Variants in KLHL32 observed in about 807,000 individuals in gnomAD.
KLHL32 encodes kelch-like protein 32.
Under a neutral mutation model 64.8 loss-of-function variants are expected in KLHL32, and 35 were observed. The observed-to-expected ratio is 0.54, with a 90% CI of 0.41 to 0.72. KLHL32 has a LOEUF of 0.72. Among genes scored for constraint, KLHL32 ranks in the 30% least tolerant of loss-of-function variants. KLHL32 has a pLI of 0.00. For missense variants in KLHL32, 589 were observed against 768.5 expected, an observed-to-expected ratio of 0.77 and a Z score of 2.76; for synonymous variants, 259 against 281.0, an observed-to-expected ratio of 0.92 and a Z score of 0.78.
chr6:96,931,851 A>G (rs1273540761), intron 1 of KLHL32, among the ~76,000 whole-genome samples: 2 of 152,016 alleles, frequency 1.3e-5, no homozygotes, highest in African/African-American at 4.8e-5. Flanking sequence ...CATCACATTC[A>G]CAGACCAGCA....
At chr6:96,907,450 G>GA in the KLHL32 span, among the ~76,000 whole-genome samples, 2 of 152,144 alleles carry the variant, frequency 1.3e-5, no homozygotes, top group Non-Finnish European at 2.9e-5. Flanking sequence ...CTGTGAATGA[G>GA]AAAAAGGTAC....
chr6:97,029,772 T>C (rs1783259276), intron 3 of KLHL32, among the ~76,000 whole-genome samples: 1 of 152,226 alleles, frequency 6.6e-6, no homozygotes, highest in Non-Finnish European at 1.5e-5. Context: ...TACTACCCAT[T>C]CTATATGTGA....
At chr6:96,929,546 A>G (rs1250044348) in intron 1 of KLHL32, among the ~76,000 whole-genome samples, 3 of 152,230 alleles carry the variant, frequency 2.0e-5, no homozygotes, top group Non-Finnish European at 4.4e-5. Flanking sequence ...GAGAATTAGT[A>G]AATAGAATTC....
At chr6:97,052,920 T>C (rs181191422) in intron 4 of KLHL32, among the ~76,000 whole-genome samples, 32 of 152,316 alleles carry the variant, frequency 2.1e-4, no homozygotes, top group Non-Finnish European at 3.2e-4. Context: ...CCTCTTAATG[T>C]CTGCTGGGAA....
chr6:97,042,760 A>G, intron 4 of KLHL32, among the ~76,000 whole-genome samples: 1 of 152,172 alleles, frequency 6.6e-6, no homozygotes, highest in East Asian at 1.9e-4. Flanking sequence ...CTGAAACTAT[A>G]TACCCTTTGA....
chr6:96,922,710 G>A (rs1434440435), upstream of KLHL32, among the ~76,000 whole-genome samples: 1 of 152,106 alleles, frequency 6.6e-6, no homozygotes, highest in Admixed American at 6.5e-5. Flanking sequence ...TCTTAATAAG[G>A]AGAAAGACTA....
intron 6 of KLHL32, among the ~76,000 whole-genome samples, chr6:97,108,059 A>G (rs1041592996): frequency 1.3e-5 from 2 of 152,144 alleles, no homozygotes; most frequent in African/African-American, 4.8e-5. Flanking sequence ...TGTACATGGA[A>G]ATGACGGTCT....
At chr6:97,068,733 A>C (rs577431967) in intron 5 of KLHL32, among the ~76,000 whole-genome samples, 48 of 152,312 alleles carry the variant, frequency 3.2e-4, no homozygotes, top group African/African-American at 1.1e-3. Flanking sequence ...GACTCACATA[A>C]ATGTAATTGC....
the KLHL32 span, among the ~76,000 whole-genome samples, chr6:96,911,742 A>G: frequency 7.0e-6 from 1 of 142,088 alleles, no homozygotes; most frequent in African/African-American, 2.6e-5. Context: ...TTTCTTACTT[A>G]TTACTCAGCA....
At chr6:97,055,745 C>CAA (rs1177437252) in intron 4 of KLHL32, among the ~76,000 whole-genome samples, 111 of 142,982 alleles carry the variant, frequency 7.8e-4, no homozygotes, top group Middle Eastern at 3.9e-3. Context: ...TTGCAGTGGG[C>CAA]CGATATCGTG....
intron 3 of KLHL32, among the ~76,000 whole-genome samples, chr6:97,032,634 G>T (rs1249890762): frequency 6.6e-6 from 1 of 152,084 alleles, no homozygotes; most frequent in Non-Finnish European, 1.5e-5. Context: ...ATACGGGATT[G>T]GTGGCAAGCA....
chr6:97,010,455 C>T (rs1385955483), intron 3 of KLHL32, among the ~76,000 whole-genome samples: 1 of 152,176 alleles, frequency 6.6e-6, no homozygotes, highest in Non-Finnish European at 1.5e-5. Context: ...CATTTATCAG[C>T]ATCATTTAAA....
At chr6:96,943,930 C>T (rs1339516215) in intron 1 of KLHL32, among the ~76,000 whole-genome samples, 1 of 152,166 alleles carries the variant, frequency 6.6e-6, no homozygotes, top group Non-Finnish European at 1.5e-5. Context: ...AAGCTGTTCT[C>T]ATGTTCAGAA....
At chr6:97,107,861 C>A (rs551689808) in intron 6 of KLHL32, among the ~76,000 whole-genome samples, 1 of 152,108 alleles carries the variant, frequency 6.6e-6, no homozygotes, top group Admixed American at 6.6e-5. Context: ...GCCTAAAAAC[C>A]GAATTTTCCA....
intron 6 of KLHL32, among the ~76,000 whole-genome samples, chr6:97,106,114 A>G (rs1025253163): frequency 6.6e-6 from 1 of 152,200 alleles, no homozygotes; most frequent in Non-Finnish European, 1.5e-5. Flanking sequence ...TTAGATATCA[A>G]AACAGCAGCT....
chr6:97,056,096 C>CTTTTTTTTTTT (rs1193971196), intron 4 of KLHL32, among the ~76,000 whole-genome samples: 13 of 123,798 alleles, frequency 1.1e-4, no homozygotes, highest in East Asian at 4.7e-4. Flanking sequence ...CTTTTTTTTT[C>CTTTTTTTTTTT]TTTTTTTTTC....
intron 6 of KLHL32, among the ~76,000 whole-genome samples, chr6:97,110,846 T>G (rs1318772180): frequency 6.6e-6 from 1 of 152,202 alleles, no homozygotes; most frequent in Non-Finnish European, 1.5e-5. Context: ...CTGCTGCTGT[T>G]GGTGTGGGGA....
At chr6:96,903,444 C>T in the KLHL32 span, among the ~76,000 whole-genome samples, 1 of 152,014 alleles carries the variant, frequency 6.6e-6, no homozygotes, top group Non-Finnish European at 1.5e-5. Flanking sequence ...TATATAAGAC[C>T]ACCTTAGGAG....
intron 4 of KLHL32, among the ~76,000 whole-genome samples, chr6:97,061,632 A>T (rs555051251): frequency 6.6e-6 from 1 of 152,230 alleles, no homozygotes; most frequent in Non-Finnish European, 1.5e-5. Flanking sequence ...CTACATGTTG[A>T]TGGGTATGTT....
Sources: gnomAD v4.1 joint callset for allele counts (sites outside exome capture counted in the v4.1 genomes callset) on GRCh38, gnomAD v4.1.1 for gene constraint, MANE v1.5 for transcripts, NCBI Gene and HGNC (gene_info 2026-07-23, HGNC 2026-07-21) for gene names.